PPFIA2: variants seen among roughly 807,000 people sequenced by gnomAD.
The protein encoded by PPFIA2 is PPFI scaffold protein A2, also known as liprin-alpha-2.
Under a neutral mutation model 175.5 loss-of-function variants are expected in PPFIA2, and 46 were observed. That is an observed-to-expected ratio of 0.26 (90% CI 0.21 to 0.34). The LOEUF (loss-of-function observed/expected upper bound fraction) is 0.34. PPFIA2 is among the 10% of genes least tolerant of loss of function. PPFIA2 has a pLI of 1.00. For missense variants in PPFIA2, 1,179 were observed against 1,506.1 expected (o/e 0.78, Z 3.60); for synonymous variants, 568 against 511.4 (o/e 1.11, Z -1.49).
chr12:81,398,609 C>T (rs2041578113), intron 8 of PPFIA2, among the ~76,000 whole-genome samples: 1 of 152,188 alleles, frequency 6.6e-6, no homozygotes. Flanking sequence ...AATAAAACAA[C>T]TCACATAAAG....
Position 81,374,735 on chromosome 12 carries a change from G to T in PPFIA2, c.1165C>A (p.Leu389Ile). Residue 389 changes from leucine to isoleucine, a missense_variant, in exon 11 of 33, where the codon CTT (leucine) becomes ATT (isoleucine). By Grantham distance (5) the Leu-to-Ile change is conservative. Coordinates refer to ENST00000549396, the MANE Select transcript of PPFIA2 (RefSeq NM_003625.5). ...EEKNRQLQER[L>I]ELAEQKLQQT... The stretch of plus-strand genomic sequence containing the variant: ...TGCAACTTTTGTTCAGCTAGCTCAA[G>T]ACGTTCTTGTAACTGTCTGTTTTTC... 1 of 1,613,170 alleles carries T rather than the reference G, an allele frequency of 6.2e-7. No individual in the cohort carries two copies. Among genetic ancestry groups the T allele is most frequent in the Non-Finnish European group, 8.5e-7 (1 of 1,179,434 alleles).
intron 4 of PPFIA2, chr12:81,598,166 A>G (rs1315775270): frequency 4.2e-6 from 6 of 1,431,756 alleles, no homozygotes; most frequent in Non-Finnish European, 3.6e-6. Context: ...CTTCTTACAT[A>G]CACAGTGATA....
intron 4 of PPFIA2, among the ~76,000 whole-genome samples, chr12:81,590,659 A>G (rs1315507116): frequency 6.6e-6 from 1 of 151,982 alleles, no homozygotes; most frequent in Non-Finnish European, 1.5e-5. Context: ...TTCTCATGAT[A>G]GTGAATGAGT....
intron 19 of PPFIA2, among the ~76,000 whole-genome samples, chr12:81,344,242 C>A (rs2058657188): frequency 6.6e-6 from 1 of 151,890 alleles, no homozygotes; most frequent in Non-Finnish European, 1.5e-5. Flanking sequence ...AACAAGCTAT[C>A]TTTTTTTGAC....
intron 4 of PPFIA2, among the ~76,000 whole-genome samples, chr12:81,537,410 T>G (rs1383099727): frequency 6.6e-6 from 1 of 151,774 alleles, no homozygotes; most frequent in Non-Finnish European, 1.5e-5. Context: ...AAAAAGAAAG[T>G]ATGGCCCTAA....
chr12:81,559,959 C>T (rs74106644), intron 4 of PPFIA2, among the ~76,000 whole-genome samples: 1 of 152,000 alleles, frequency 6.6e-6, no homozygotes, highest in Non-Finnish European at 1.5e-5. Context: ...TGGGCTGACA[C>T]ATGTGGCCTC....
chr12:81,615,901 G>A (rs944516588), intron 4 of PPFIA2, among the ~76,000 whole-genome samples: 1 of 152,158 alleles, frequency 6.6e-6, no homozygotes, highest in African/African-American at 2.4e-5. Context: ...AGGATGAAAA[G>A]TGGATAATCA....
intron 3 of PPFIA2, among the ~76,000 whole-genome samples, chr12:81,703,305 A>G (rs1473629896): frequency 6.6e-6 from 1 of 152,086 alleles, no homozygotes; most frequent in Non-Finnish European, 1.5e-5. Context: ...TCTCTTTTTT[A>G]CAGCCCCAAT....
chr12:81,375,171 T>C (rs552735714), intron 10 of PPFIA2, among the ~76,000 whole-genome samples: 1 of 152,250 alleles, frequency 6.6e-6, no homozygotes, highest in Admixed American at 6.5e-5. Context: ...GACAAACATT[T>C]TCTGTAACAG....
At chr12:81,358,338 G>A in intron 15 of PPFIA2, 121 bp from the exon 16 acceptor site, 1 of 960,370 alleles carries the variant, frequency 1.0e-6, no homozygotes. Context: ...CCTCAAGAAA[G>A]ATAACCGATA....
chr12:81,457,677 T>G (rs1036198342), intron 5 of PPFIA2, 88 bp downstream of exon 5: 36 of 703,110 alleles, frequency 5.1e-5, no homozygotes, highest in Non-Finnish European at 7.8e-5. Flanking sequence ...AGTTTTAAAA[T>G]GCATATATTT....
intron 11 of PPFIA2, 64 bp from the exon 12 acceptor site, chr12:81,369,258 A>T: frequency 6.4e-7 from 1 of 1,564,404 alleles, no homozygotes; most frequent in Non-Finnish European, 8.7e-7. Context: ...TCCTCTAAAT[A>T]AATTGAAATA....
chr12:81,287,778 C>G (rs972479022), intron 24 of PPFIA2, among the ~76,000 whole-genome samples: 6 of 151,754 alleles, frequency 4.0e-5, no homozygotes, highest in African/African-American at 1.5e-4. Context: ...CAAAGCATCC[C>G]TACAAGATAG....
chr12:81,513,706 T>G (rs1193648352), intron 4 of PPFIA2, among the ~76,000 whole-genome samples: 1 of 152,044 alleles, frequency 6.6e-6, no homozygotes, highest in Non-Finnish European at 1.5e-5. Context: ...TTATGTAGTT[T>G]TAAAAATCTA....
chr12:81,316,750 G>A (rs1322403303), intron 22 of PPFIA2, among the ~76,000 whole-genome samples: 1 of 151,514 alleles, frequency 6.6e-6, no homozygotes, highest in Non-Finnish European at 1.5e-5. Flanking sequence ...AAAAAAATAT[G>A]CTACCCTTTC....
At chr12:81,625,372 C>T (rs975570576) in intron 4 of PPFIA2, among the ~76,000 whole-genome samples, 20 of 151,810 alleles carry the variant, frequency 1.3e-4, no homozygotes, top group African/African-American at 4.8e-4. Context: ...TTTGCATGGA[C>T]ATGTCCTAAG....
In PPFIA2 at chr12:81,601,081, A is replaced by T. The variant is rs1481440123; in HGVS notation, c.303+75710T>A. Among the ~76,000 whole-genome samples, 5 of 152,080 alleles carry T rather than the reference A, an allele frequency of 3.3e-5. No homozygotes were observed. The East Asian group carries it at 9.6e-4, about 29-fold the overall frequency. On this transcript the variant is annotated intron_variant, in intron 4 of 32. Coordinates refer to ENST00000549396, the MANE Select transcript of PPFIA2 (RefSeq NM_003625.5). Reference sequence around the variant, plus strand: ...CTGGGAATTATGAATCTTTCCAGCCAATAAGAATACACTTTCTTTTTCATA... The same window carrying T: ...CTGGGAATTATGAATCTTTCCAGCCTATAAGAATACACTTTCTTTTTCATA...
intron 3 of PPFIA2, among the ~76,000 whole-genome samples, chr12:81,697,475 A>G (rs2076023703): frequency 6.6e-6 from 1 of 152,078 alleles, no homozygotes; most frequent in Non-Finnish European, 1.5e-5. Context: ...TAAGTAAGTC[A>G]CATTTAAGAT....
chr12:81,608,307 A>G (rs2060536620), intron 4 of PPFIA2, among the ~76,000 whole-genome samples: 1 of 152,082 alleles, frequency 6.6e-6, no homozygotes, highest in Non-Finnish European at 1.5e-5. Flanking sequence ...TTCTGGCTTC[A>G]TAGAATGAGT....
Sources: allele counts gnomAD v4.1 joint callset (sites outside exome capture counted in the v4.1 genomes callset), GRCh38; gene constraint gnomAD v4.1.1; transcripts MANE v1.5; gene names NCBI Gene and HGNC (gene_info 2026-07-23, HGNC 2026-07-21).